The following REPS1 variants were observed in gnomAD, a reference collection of about 807,000 sequenced individuals.
The protein encoded by REPS1 is RALBP1 associated Eps domain containing 1.
In REPS1, 39 loss-of-function variants were observed where a neutral mutation model predicts 100.9. The ratio of observed to expected loss-of-function variants is 0.39; its 90% confidence interval spans 0.30 to 0.50. The LOEUF (loss-of-function observed/expected upper bound fraction) is 0.50, where lower values mean the gene tolerates loss of function less well. Among genes scored for constraint, REPS1 ranks in the 20% least tolerant of loss-of-function variants. The pLI is 0.86. For missense variants in REPS1, 821 were observed against 968.5 expected (o/e 0.85, Z 2.02); for synonymous variants, 324 against 340.3 (o/e 0.95, Z 0.53).
intron 10 of REPS1, among the ~76,000 whole-genome samples, chr6:138,922,419 T>C (rs1475110382): frequency 6.6e-6 from 1 of 152,210 alleles, no homozygotes; most frequent in Admixed American, 6.5e-5. Flanking sequence ...ACAGTTGATA[T>C]TTCTAAACTT....
intron 19 of REPS1, among the ~76,000 whole-genome samples, chr6:138,906,579 G>A (rs1303522494): frequency 1.3e-5 from 2 of 152,312 alleles, no homozygotes; most frequent in East Asian, 3.9e-4. Context: ...ATGTGTCACA[G>A]ATAATAATTC....
At chr6:138,910,649 C>T (rs1022723420) in intron 17 of REPS1, among the ~76,000 whole-genome samples, 11 of 152,146 alleles carry the variant, frequency 7.2e-5, no homozygotes, top group African/African-American at 2.7e-4. Context: ...CCACTGTGTC[C>T]GGCATAACCT....
rs563892824 is a variant in REPS1 at position 138,956,717 on chromosome 6, T to C, written c.154-8804A>G. On this transcript the variant is annotated intron_variant, in intron 1 of 19. Coordinates refer to ENST00000450536, the MANE Select transcript of REPS1 (RefSeq NM_001286611.2). ...ACACAGAACTCAGTCAGTTTTTCTA[T>C]TGCCTCATCCTTAAATATGAACAGC... Among the ~76,000 whole-genome samples the C allele has an allele frequency of 2.6e-5, 4 of 152,176 alleles. No homozygotes were observed. The South Asian group carries it at 8.3e-4, about 32-fold the overall frequency.
At chr6:138,905,270 T>C in intron 19 of REPS1, 138 bp from the exon 20 acceptor site, 1 of 596,842 alleles carries the variant, frequency 1.7e-6, no homozygotes, top group Non-Finnish European at 3.0e-6. Flanking sequence ...TTTAAAAGTA[T>C]ACTTCACTTT....
intron 13 of REPS1, chr6:138,916,219 T>TC: frequency 1.4e-5 from 1 of 71,914 alleles, no homozygotes; most frequent in African/African-American, 1.0e-4. Flanking sequence ...TCTTTTTTTC[T>TC]TTTTTTTTTT....
At chr6:138,987,495 C>T in intron 1 of REPS1, 35 bp downstream of exon 1, 1 of 1,533,126 alleles carries the variant, frequency 6.5e-7, no homozygotes. Context: ...GACTGCAGGC[C>T]TAAGCCGCCC....
At position 138,967,485 on chromosome 6, in the gene REPS1, G is replaced by C. The variant is rs78906169; in HGVS notation, c.154-19572C>G. Among the ~76,000 whole-genome samples the C allele has an allele frequency of 9.0e-3, 1,374 of 152,288 alleles. 14 individuals carry two copies. The highest frequency in any genetic ancestry group is 0.031 in the African/African-American group (1,300 of 41,564). On this transcript the variant is annotated intron_variant, in intron 1 of 19. Transcript: ENST00000450536. Reference sequence around the variant, plus strand: ...AGTATCACACACAAAAGTTGAGGTTGACTCAACCTTAGGCCCCTCGATCTG... The same window carrying C: ...AGTATCACACACAAAAGTTGAGGTTCACTCAACCTTAGGCCCCTCGATCTG...
Position 138,949,713 on chromosome 6 carries a change from GA to G in REPS1, c.154-1801del, listed in dbSNP as rs548610437. Among the ~76,000 whole-genome samples, 370 of 136,772 alleles carry G rather than the reference GA, an allele frequency of 2.7e-3. 2 individuals carry two copies. Among genetic ancestry groups the G allele is most frequent in the Non-Finnish European group, 4.5e-3 (286 of 63,926 alleles). The allele number at this position is 136,772 out of a possible 152,430, so 89.7% of individuals were successfully genotyped here. ...TGCCCTCCAGACTGGGTGACAGACTGAAACTCCATCTCATAAAAAAAAAAAA... is the reference window on the plus strand; with the variant it reads ...TGCCCTCCAGACTGGGTGACAGACTGAACTCCATCTCATAAAAAAAAAAAA... On this transcript the variant is annotated intron_variant, in intron 1 of 19. Transcript: ENST00000450536.
intron 19 of REPS1, among the ~76,000 whole-genome samples, chr6:138,907,114 C>G (rs769964169): frequency 6.6e-6 from 1 of 152,112 alleles, no homozygotes; most frequent in Non-Finnish European, 1.5e-5. Context: ...ATTGCTGCCA[C>G]TTCTCTTCTT....
intron 1 of REPS1, among the ~76,000 whole-genome samples, chr6:138,948,482 C>CT (rs1301977690): frequency 6.6e-6 from 1 of 152,164 alleles, no homozygotes; most frequent in Admixed American, 6.5e-5. Context: ...CACTACTCTT[C>CT]TTTAAAACAA....
At position 138,985,439 on chromosome 6, in the gene REPS1, T is replaced by G. The variant is rs563750257; in HGVS notation, c.153+2091A>C. The stretch of plus-strand genomic sequence containing the variant: ...CAGTGTTAAGTAGAGAACTAAGCAT[T>G]AGATATGAGCTGCCCCAAATGTTTC... On this transcript the variant is annotated intron_variant, in intron 1 of 19. Transcript: ENST00000450536. 2.6e-5 allele frequency among the ~76,000 whole-genome samples: 4 copies of G among 152,332 alleles called. No homozygotes were observed. The South Asian group carries it at 8.3e-4, about 32-fold the overall frequency.
Position 138,945,375 on chromosome 6 carries a change from A to G in REPS1, c.475-3T>C. 2 of 1,594,284 alleles carry G rather than the reference A, an allele frequency of 1.3e-6. No individual in the cohort carries two copies. The highest frequency in any genetic ancestry group is 1.7e-6 in the Non-Finnish European group (2 of 1,173,828). The stretch of plus-strand genomic sequence containing the variant: ...GAAACTACTGGGGATGCAGGTTCCT[A>G]GAAAAGAATATTATTTTAAAATTTT... On this transcript the variant is annotated splice_polypyrimidine_tract_variant and splice_region_variant and intron_variant, in intron 3 of 19. Coordinates refer to ENST00000450536, the MANE Select transcript of REPS1 (RefSeq NM_001286611.2).
chr6:138,913,463 T>G (rs1208091697), intron 15 of REPS1, among the ~76,000 whole-genome samples: 1 of 152,184 alleles, frequency 6.6e-6, no homozygotes, highest in Non-Finnish European at 1.5e-5. Context: ...TGCTCCATCT[T>G]CAGTCTAAAA....
At chr6:138,905,196 A>G (rs1779551494) in intron 19 of REPS1, 64 bp from the exon 20 acceptor site, 6 of 990,872 alleles carry the variant, frequency 6.1e-6, no homozygotes, top group Non-Finnish European at 9.6e-6. Flanking sequence ...ATATCTAACA[A>G]CAGCTCTGCT....
chr6:138,917,793 A>G (rs1780502259), intron 12 of REPS1, 166 bp from the exon 13 acceptor site: 1 of 573,530 alleles, frequency 1.7e-6, no homozygotes. Flanking sequence ...AAAATTAACT[A>G]CAAATAAATC....
At chr6:138,947,936 C>CATTA in intron 1 of REPS1, 23 bp from the exon 2 acceptor site, 1 of 1,547,268 alleles carries the variant, frequency 6.5e-7, no homozygotes, top group African/African-American at 1.4e-5. Flanking sequence ...ATAATGTTAA[C>CATTA]ATTAAGATTC....
intron 8 of REPS1, among the ~76,000 whole-genome samples, chr6:138,934,817 CATT>C (rs2308004): frequency 0.36 from 55,214 of 151,816 alleles, 11,820 homozygotes; most frequent in Admixed American, 0.51. Flanking sequence ...GTTCCAATCT[CATT>C]AATAACTTTA....
intron 15 of REPS1, 95 bp from the exon 16 acceptor site, chr6:138,913,045 G>C: frequency 1.1e-6 from 1 of 952,208 alleles, no homozygotes; most frequent in Non-Finnish European, 1.5e-6. Context: ...AGTATATAAA[G>C]ATGACCTGTT....
intron 13 of REPS1, 145 bp downstream of exon 13, chr6:138,917,410 C>A: frequency 1.6e-6 from 1 of 618,296 alleles, no homozygotes; most frequent in Non-Finnish European, 2.8e-6. Flanking sequence ...TGGAAAGGAT[C>A]AAAATTACTT....
Sources: allele counts gnomAD v4.1 joint callset (sites outside exome capture counted in the v4.1 genomes callset), GRCh38; gene constraint gnomAD v4.1.1; transcripts MANE v1.5; gene names NCBI Gene and HGNC (gene_info 2026-07-23, HGNC 2026-07-21).